Variants in SHISA9 observed in about 807,000 individuals in gnomAD.
SHISA9 encodes the protein shisa family member 9, also known as protein shisa-9.
A neutral mutation model predicts 38.0 loss-of-function variants in SHISA9; 13 were observed. That is an observed-to-expected ratio of 0.34 (90% CI 0.22 to 0.54). The LOEUF (loss-of-function observed/expected upper bound fraction) is 0.54, where lower values mean the gene tolerates loss of function less well. SHISA9 is among the 20% of genes least tolerant of loss of function. The pLI is 0.91. For synonymous variants in SHISA9, 275 were observed against 242.0 expected (o/e 1.14, Z -1.27); for missense variants, 538 against 575.8 (o/e 0.93, Z 0.67).
chr16:12,902,834 TCGTGTGTGTGTGAG>T (rs2071037940), intron 1 of SHISA9: 1 of 590,604 alleles, frequency 1.7e-6, no homozygotes, highest in Non-Finnish European at 2.9e-6. Flanking sequence ...CTGAGCGTGT[TCGTGTGTGTGTGAG>T]CGTGTGTGTG....
At chr16:13,094,474 C>T (rs879358567) in intron 2 of SHISA9, among the ~76,000 whole-genome samples, 2 of 151,928 alleles carry the variant, frequency 1.3e-5, no homozygotes, top group African/African-American at 2.4e-5. Flanking sequence ...AAAAAAAATC[C>T]CCCAAACTAA....
the SHISA9 span, among the ~76,000 whole-genome samples, chr16:13,342,865 A>G: frequency 6.6e-6 from 1 of 152,196 alleles, no homozygotes; most frequent in Non-Finnish European, 1.5e-5. Context: ...AGTAAGGGCT[A>G]CACACCTGAG....
chr16:13,418,261 C>T, the SHISA9 span, among the ~76,000 whole-genome samples: 147 of 152,110 alleles, frequency 9.7e-4, 1 homozygote, highest in African/African-American at 3.2e-3. Context: ...CAAAACAGCC[C>T]CAAACTTAGT....
intron 2 of SHISA9, among the ~76,000 whole-genome samples, chr16:13,054,855 C>T (rs1462988814): frequency 6.6e-6 from 1 of 152,224 alleles, no homozygotes; most frequent in Non-Finnish European, 1.5e-5. Context: ...TCCACGCTGT[C>T]TCCTGCCACG....
chr16:12,928,704 A>G (rs2071424839), intron 2 of SHISA9, among the ~76,000 whole-genome samples: 1 of 152,216 alleles, frequency 6.6e-6, no homozygotes, highest in African/African-American at 2.4e-5. Flanking sequence ...ACAACCCTTG[A>G]ATTGGAAGTT....
chr16:13,379,780 CCCTT>C, the SHISA9 span, among the ~76,000 whole-genome samples: 1 of 152,190 alleles, frequency 6.6e-6, no homozygotes, highest in South Asian at 2.1e-4. Flanking sequence ...AGGAGCCACT[CCCTT>C]CCTTCAATTT....
chr16:12,915,188 C>T (rs145946155), intron 1 of SHISA9, among the ~76,000 whole-genome samples: 10 of 152,254 alleles, frequency 6.6e-5, no homozygotes, highest in Non-Finnish European at 1.3e-4. Context: ...TGGCCAGCTG[C>T]GGTGGCTCGT....
chr16:13,446,867 C>A, the SHISA9 span, among the ~76,000 whole-genome samples: 1 of 151,804 alleles, frequency 6.6e-6, no homozygotes, highest in Non-Finnish European at 1.5e-5. Context: ...GTAGTCCCAG[C>A]TGCTTGGGAG....
At chr16:13,521,221 G>C in the SHISA9 span, among the ~76,000 whole-genome samples, 1 of 152,198 alleles carries the variant, frequency 6.6e-6, no homozygotes, top group African/African-American at 2.4e-5. Flanking sequence ...TAGGTGCAGA[G>C]CATGTGAGCT....
the SHISA9 span, among the ~76,000 whole-genome samples, chr16:13,294,222 C>T: frequency 2.0e-5 from 3 of 152,298 alleles, no homozygotes; most frequent in South Asian, 2.1e-4. Flanking sequence ...AACTCAGTGG[C>T]TTAAGATAAC....
chr16:13,368,397 C>A, the SHISA9 span, among the ~76,000 whole-genome samples: 3 of 152,100 alleles, frequency 2.0e-5, no homozygotes, highest in East Asian at 1.9e-4. Context: ...CTACTATATT[C>A]AAAAACATGC....
chr16:13,361,580 G>A, the SHISA9 span, among the ~76,000 whole-genome samples: 1 of 152,180 alleles, frequency 6.6e-6, no homozygotes, highest in African/African-American at 2.4e-5. Context: ...GGTGAAGAGA[G>A]GTCAAGGAAC....
chr16:13,285,071 T>A, the SHISA9 span, among the ~76,000 whole-genome samples: 2 of 152,160 alleles, frequency 1.3e-5, no homozygotes, highest in Non-Finnish European at 2.9e-5. Flanking sequence ...TAGCCTTTTT[T>A]TTCTTTTACA....
At chr16:13,265,746 C>G in the SHISA9 span, among the ~76,000 whole-genome samples, 1 of 151,952 alleles carries the variant, frequency 6.6e-6, no homozygotes, top group African/African-American at 2.4e-5. Flanking sequence ...ACTTTTCCTT[C>G]TTTCTAAAAG....
the SHISA9 span, among the ~76,000 whole-genome samples, chr16:13,475,579 C>T: frequency 1.3e-5 from 2 of 152,110 alleles, no homozygotes; most frequent in Admixed American, 6.5e-5. Context: ...CCTTTTATGG[C>T]ACCAGGGACC....
chr16:13,164,046 T>C (rs2050616484), intron 2 of SHISA9, among the ~76,000 whole-genome samples: 1 of 152,094 alleles, frequency 6.6e-6, no homozygotes, highest in South Asian at 2.1e-4. Flanking sequence ...CAGATGTTCA[T>C]TCTTGCTTTT....
At chr16:13,488,160 C>T in the SHISA9 span, among the ~76,000 whole-genome samples, 1 of 151,974 alleles carries the variant, frequency 6.6e-6, no homozygotes, top group East Asian at 1.9e-4. Context: ...CTCTTTCCAC[C>T]TGAGCCCCTA....
At chr16:13,131,055 G>A (rs1355115068) in intron 2 of SHISA9, among the ~76,000 whole-genome samples, 4 of 152,148 alleles carry the variant, frequency 2.6e-5, no homozygotes, top group Non-Finnish European at 4.4e-5. Context: ...ACAGTGTGGC[G>A]ATTCCTCAGA....
chr16:13,464,948 A>C, the SHISA9 span, among the ~76,000 whole-genome samples: 2 of 152,124 alleles, frequency 1.3e-5, no homozygotes, highest in African/African-American at 4.8e-5. Flanking sequence ...GTTGATATTT[A>C]GGGGCCTAGT....
Sources: allele counts gnomAD v4.1 joint callset (sites outside exome capture counted in the v4.1 genomes callset), GRCh38; gene constraint gnomAD v4.1.1; transcripts MANE v1.5; gene names NCBI Gene and HGNC (gene_info 2026-07-23, HGNC 2026-07-21).